Variants in CDRT4 observed in about 807,000 individuals in gnomAD.
CDRT4 encodes the protein CMT1A duplicated region transcript 4 protein.
For missense variants in CDRT4, 167 were observed against 193.1 expected, an observed-to-expected ratio of 0.87 and a Z score of 0.80; for synonymous variants, 64 against 69.6, an observed-to-expected ratio of 0.92 and a Z score of 0.40.
At chr17:15,465,207 AACAG>A (rs777761929) in intron 1 of CDRT4, among the ~76,000 whole-genome samples, 40 of 126,474 alleles carry the variant, frequency 3.2e-4, no homozygotes, top group Non-Finnish European at 4.2e-4. Flanking sequence ...CAGACACACC[AACAG>A]ACACACACCA....
intron 1 of CDRT4, among the ~76,000 whole-genome samples, chr17:15,453,419 G>C (rs991133537): frequency 2.6e-5 from 4 of 152,156 alleles, no homozygotes; most frequent in African/African-American, 4.8e-5. Flanking sequence ...AGTTTTTGTT[G>C]AGTCAGAAAT....
intron 2 of CDRT4, among the ~76,000 whole-genome samples, chr17:15,449,557 T>C (rs892225090): frequency 4.6e-5 from 7 of 152,238 alleles, no homozygotes; most frequent in African/African-American, 1.7e-4. Context: ...CTTTCTTTTT[T>C]TAATATTATA....
chr17:15,438,316 C>G (rs1480768369), intron 3 of CDRT4, 116 bp from the exon 4 acceptor site: 1 of 903,548 alleles, frequency 1.1e-6, no homozygotes, highest in South Asian at 1.7e-5. Context: ...TTTTGCACCC[C>G]TTGTATTCAG....
chr17:15,466,185 AG>A (rs1284585562), intron 1 of CDRT4, among the ~76,000 whole-genome samples: 1 of 152,202 alleles, frequency 6.6e-6, no homozygotes, highest in Non-Finnish European at 1.5e-5. Flanking sequence ...ATTTGAACCC[AG>A]GGACTCGGCT....
intron 3 of CDRT4, among the ~76,000 whole-genome samples, chr17:15,438,780 C>T (rs2954760): frequency 0.26 from 39,432 of 152,118 alleles, 8,047 homozygotes; most frequent in African/African-American, 0.53. Context: ...TGACTAAAAC[C>T]TTCGGCTATG....
At chr17:15,455,325 C>T (rs906843434) in intron 1 of CDRT4, among the ~76,000 whole-genome samples, 2 of 152,192 alleles carry the variant, frequency 1.3e-5, no homozygotes, top group African/African-American at 4.8e-5. Context: ...ACATGGAAAT[C>T]GTTTTCCTCT....
chr17:15,466,066 G>A (rs1417001225), intron 1 of CDRT4, among the ~76,000 whole-genome samples: 2 of 151,876 alleles, frequency 1.3e-5, no homozygotes, highest in Non-Finnish European at 1.5e-5. Context: ...AAAGGGAGGG[G>A]GAGGGAGGGC....
intron 1 of CDRT4, among the ~76,000 whole-genome samples, chr17:15,467,130 A>G (rs12453587): frequency 0.5 from 75,456 of 151,892 alleles, 20,127 homozygotes; most frequent in Non-Finnish European, 0.6. Flanking sequence ...GTCAGCCCTG[A>G]GTGTACAATA....
intron 1 of CDRT4, among the ~76,000 whole-genome samples, chr17:15,463,712 A>G (rs1457767913): frequency 6.6e-6 from 1 of 152,176 alleles, no homozygotes; most frequent in Non-Finnish European, 1.5e-5. Context: ...GCCATGTGCC[A>G]GAGGCTATGC....
chr17:15,444,991 C>T (rs543918321), intron 2 of CDRT4, among the ~76,000 whole-genome samples: 3 of 152,312 alleles, frequency 2.0e-5, no homozygotes, highest in African/African-American at 7.2e-5. Flanking sequence ...CTAATGATCT[C>T]ACCCTCTCTG....
chr17:15,438,383 C>A (rs1169851637), intron 3 of CDRT4, among the ~76,000 whole-genome samples, 183 bp from the exon 4 acceptor site: 5 of 151,908 alleles, frequency 3.3e-5, no homozygotes, highest in South Asian at 2.1e-4. Flanking sequence ...GAAAGTCTAT[C>A]AATTAAACAA....
At chr17:15,448,322 T>C (rs1979117652) in intron 2 of CDRT4, among the ~76,000 whole-genome samples, 1 of 152,172 alleles carries the variant, frequency 6.6e-6, no homozygotes, top group Non-Finnish European at 1.5e-5. Flanking sequence ...CAGAAAACAC[T>C]TTCCTAACCC....
intron 1 of CDRT4, among the ~76,000 whole-genome samples, chr17:15,455,086 A>G (rs1395366805): frequency 2.0e-5 from 3 of 152,180 alleles, no homozygotes; most frequent in African/African-American, 4.8e-5. Context: ...AGAGAGAACA[A>G]AAGTGTCACG....
chr17:15,458,958 T>C (rs1420500223), intron 1 of CDRT4, among the ~76,000 whole-genome samples: 1 of 152,210 alleles, frequency 6.6e-6, no homozygotes, highest in Non-Finnish European at 1.5e-5. Context: ...GGGATTCTGT[T>C]GCTCATGAAA....
intron 1 of CDRT4, among the ~76,000 whole-genome samples, chr17:15,458,157 C>G (rs568016128): frequency 3.3e-5 from 5 of 152,284 alleles, no homozygotes; most frequent in South Asian, 4.2e-4. Flanking sequence ...TGGGACTTAA[C>G]GAATTCCATC....
In CDRT4 at chr17:15,437,161, A is replaced by G. The variant is rs1978529008; in HGVS notation, c.*612T>C. The G allele has an allele frequency of 6.6e-6, 1 of 152,516 alleles. No individual in the cohort carries two copies. 9.4% of individuals were successfully genotyped at this position (152,516 alleles called of 1,614,324 possible). A position where few individuals can be genotyped will look rare whatever the true frequency, so the allele number is the denominator to read the frequency against. On this transcript the variant is annotated 3_prime_UTR_variant, in exon 4 of 4. Transcript: ENST00000619038. ...GTCCCCTCAGAGACACCAACAAAAC[A>G]TCTCCCCTATTCAGAGGAGGGGGCA...
rs895300171 is a variant in CDRT4, at chr17:15,464,263, C to A, written c.-130+3197G>T. ...TGTGGAGACCCCTACGCCAGGCAAG[C>A]CTTCAGGTTTGAGAGCTGATGCATC... On this transcript the variant is annotated intron_variant, in intron 1 of 3. Coordinates refer to ENST00000619038, the MANE Select transcript of CDRT4 (RefSeq NM_001204477.2). The surrounding 1 kb of genome is among the most constrained non-coding windows in gnomAD (Gnocchi z 4.5). Among the ~76,000 whole-genome samples, 3 of 152,122 alleles carry A rather than the reference C, an allele frequency of 2.0e-5. No individual in the cohort carries two copies. Among genetic ancestry groups the A allele is most frequent in the African/African-American group, 4.8e-5 (2 of 41,418 alleles).
intron 2 of CDRT4, among the ~76,000 whole-genome samples, chr17:15,441,193 G>A (rs1405420481): frequency 6.6e-6 from 1 of 152,188 alleles, no homozygotes; most frequent in Non-Finnish European, 1.5e-5. Flanking sequence ...AAGAGTCTCA[G>A]ATAATTCTGA....
Position 15,437,965 on chromosome 17 carries a change from C to T in CDRT4, c.267G>A (p.Val89=). 1 of 1,614,216 alleles carries T rather than the reference C, an allele frequency of 6.2e-7. No homozygotes were observed. Among genetic ancestry groups the T allele is most frequent in the Non-Finnish European group, 8.5e-7 (1 of 1,180,036 alleles). The part of the protein sequence containing the change: ...RKSSKSSGKA[V]FRDTLSESTL... ...TGGATTCTGACAGCGTGTCCCTGAACACAGCTTTGCCAGAAGACTTGGAAG... is the reference window on the plus strand; with the variant it reads ...TGGATTCTGACAGCGTGTCCCTGAATACAGCTTTGCCAGAAGACTTGGAAG... The change falls in exon 4 of 4, where the codon GTG becomes GTA. Residue 89 remains valine (V), a synonymous_variant. Transcript: ENST00000619038.
Sources: allele counts gnomAD v4.1 joint callset (sites outside exome capture counted in the v4.1 genomes callset), GRCh38; gene constraint gnomAD v4.1.1; non-coding constraint Gnocchi (gnomAD v3.1); transcripts MANE v1.5; gene names NCBI Gene and HGNC (gene_info 2026-07-23, HGNC 2026-07-21).